Variants in CFAP221 observed in about 807,000 individuals in gnomAD.
CFAP221 encodes cilia and flagella associated protein 221.
CFAP221 carries 97 observed loss-of-function variants against 113.1 expected under a neutral mutation model. The ratio of observed to expected loss-of-function variants is 0.86; its 90% CI spans 0.73 to 1.02. The LOEUF (loss-of-function observed/expected upper bound fraction) is 1.02, where lower values mean the gene tolerates loss of function less well. Among genes scored for constraint, CFAP221 ranks in the 50% least tolerant of loss-of-function variants. The pLI is 0.00. For missense variants in CFAP221, 1,025 were observed against 1,013.4 expected (o/e 1.01, Z -0.16); for synonymous variants, 331 against 354.4 (o/e 0.93, Z 0.74).
chr2:119,611,818 T>C lies in CFAP221; in HGVS notation c.1311+76T>C, dbSNP rs1050901849. The C allele has an allele frequency of 1.3e-5, 14 of 1,059,296 alleles. No homozygotes were observed. The Admixed American group carries it at 2.6e-4, about 20-fold the overall frequency. The allele number at this position is 1,059,296 out of a possible 1,614,324, so 65.6% of individuals were successfully genotyped here. Reference sequence around the variant, plus strand: ...GCTTATTTTTTTGAATGCTAAACAATTTTATAGAAATCCTTTACCAAGAGA... The same window carrying C: ...GCTTATTTTTTTGAATGCTAAACAACTTTATAGAAATCCTTTACCAAGAGA... On this transcript the variant is annotated intron_variant, in intron 13 of 23. Coordinates refer to ENST00000413369, the MANE Select transcript of CFAP221 (RefSeq NM_001271049.2).
chr2:119,628,600 A>T lies in CFAP221; in HGVS notation c.1650+814A>T, dbSNP rs190237842. 1.2e-4 allele frequency among the ~76,000 whole-genome samples: 18 copies of T among 152,342 alleles called. 1 individual carries two copies. Among genetic ancestry groups the T allele is most frequent in the Admixed American group, 3.9e-4 (6 of 15,308 alleles). On this transcript the variant is annotated intron_variant, in intron 16 of 23. Transcript: ENST00000413369. ...CTCGAGTTCACATCGTTAGTAATAAAAAGTATACTCAAATCAATATTGCAA... is the reference window on the plus strand; with the variant it reads ...CTCGAGTTCACATCGTTAGTAATAATAAGTATACTCAAATCAATATTGCAA...
At chr2:119,553,027 G>A (rs1680537740) in intron 3 of CFAP221, among the ~76,000 whole-genome samples, 1 of 152,146 alleles carries the variant, frequency 6.6e-6, no homozygotes, top group African/African-American at 2.4e-5. Context: ...GAAGCATTAT[G>A]GGAAATGCTA....
In CFAP221 at chr2:119,631,407, C is replaced by T. The variant is rs564384085; in HGVS notation, c.1974+506C>T. Reference sequence around the variant, plus strand: ...CAATGAAATAGGCCGGGCACAGTGGCTCATGCCTGTAATCCCAACACTTTA... The same window carrying T: ...CAATGAAATAGGCCGGGCACAGTGGTTCATGCCTGTAATCCCAACACTTTA... On this transcript the variant is annotated intron_variant, in intron 19 of 23. Coordinates refer to ENST00000413369, the MANE Select transcript of CFAP221 (RefSeq NM_001271049.2). 3.1e-3 allele frequency among the ~76,000 whole-genome samples: 477 copies of T among 152,332 alleles called. 2 individuals carry two copies. Among genetic ancestry groups the T allele is most frequent in the Non-Finnish European group, 5.4e-3 (367 of 68,032 alleles).
rs1686246376 is a variant in CFAP221 at position 119,625,588 on chromosome 2, G to A, written c.1416G>A (p.Met472Ile). ...KRFQQVARKV[M>I]IQGRLFNMLS... Reference sequence around the variant, plus strand: ...ATTATCCACTCCAATTTCAGGTCATGATTCAGGGACGATTATTCAATATGC... The same window carrying A: ...ATTATCCACTCCAATTTCAGGTCATAATTCAGGGACGATTATTCAATATGC... Residue 472 changes from methionine (M) to isoleucine (I), a missense_variant, in exon 15 of 24, where the codon ATG becomes ATA. Coordinates refer to ENST00000413369, the MANE Select transcript of CFAP221 (RefSeq NM_001271049.2). 1 of 1,610,828 alleles carries A rather than the reference G, an allele frequency of 6.2e-7. No individual in the cohort carries two copies.
At chr2:119,565,092 C>T (rs963405288) in intron 6 of CFAP221, among the ~76,000 whole-genome samples, 1 of 152,168 alleles carries the variant, frequency 6.6e-6, no homozygotes, top group Non-Finnish European at 1.5e-5. Flanking sequence ...ACATTCTTAG[C>T]CCCGTGCTCT....
intron 5 of CFAP221, 31 bp from the exon 6 acceptor site, chr2:119,561,981 ATG>A (rs1681274087): frequency 7.2e-7 from 1 of 1,382,282 alleles, no homozygotes; most frequent in Non-Finnish European, 9.9e-7. Flanking sequence ...AGTCTTCAGA[ATG>A]TTAAACTTGA....
chr2:119,603,244 G>A (rs569428951), intron 8 of CFAP221, among the ~76,000 whole-genome samples: 2 of 152,162 alleles, frequency 1.3e-5, no homozygotes, highest in African/African-American at 4.8e-5. Context: ...CTTCATTTCC[G>A]TCATCGACGT....
At chr2:119,613,512 A>ACAG (rs1685319653) in intron 13 of CFAP221, among the ~76,000 whole-genome samples, 2 of 152,212 alleles carry the variant, frequency 1.3e-5, no homozygotes, top group Non-Finnish European at 2.9e-5. Flanking sequence ...CTGTGCACCT[A>ACAG]CAGGCTCAAC....
chr2:119,608,493 T>TC lies in CFAP221; in HGVS notation c.1134-8dup. 6.3e-7 allele frequency: 1 copy of TC among 1,587,550 alleles called. No individual in the cohort carries two copies. Among genetic ancestry groups the TC allele is most frequent in the Non-Finnish European group, 8.5e-7 (1 of 1,170,950 alleles). The stretch of plus-strand genomic sequence containing the variant: ...GGTTCTGGACACAGTTTTTTTTTTT[T>TC]CTCCCCAGGCAGGTGCACCTTGGTA... On this transcript the variant is annotated splice_polypyrimidine_tract_variant and intron_variant, in intron 11 of 23. Coordinates refer to ENST00000413369, the MANE Select transcript of CFAP221 (RefSeq NM_001271049.2).
chr2:119,625,193 A>G (rs1686211256), intron 14 of CFAP221, among the ~76,000 whole-genome samples: 1 of 152,204 alleles, frequency 6.6e-6, no homozygotes, highest in Admixed American at 6.5e-5. Flanking sequence ...CCACAGTGCT[A>G]TTGCTGCAGA....
intron 6 of CFAP221, among the ~76,000 whole-genome samples, chr2:119,583,564 A>T (rs1041592285): frequency 6.6e-6 from 1 of 152,224 alleles, no homozygotes. Context: ...ATCAAAATCC[A>T]AAAGTAGCAT....
At position 119,562,065 on chromosome 2, in the gene CFAP221, C is replaced by T; in HGVS notation, c.478C>T (p.Leu160=). The change falls in exon 6 of 24, where the codon CTA becomes TTA. Residue 160 remains leucine (L), a synonymous_variant. Transcript: ENST00000413369. ...PIHAYPVMNS[L]DFPSFINLSN... ...TCATGCCTATCCAGTCATGAACTCA[C>T]TAGACTTTCCTTCATTTATAAATCT... 6.5e-7 allele frequency: 1 copy of T among 1,535,298 alleles called. No homozygotes were observed. The highest frequency in any genetic ancestry group is 8.7e-7 in the Non-Finnish European group (1 of 1,146,600).
At chr2:119,620,797 C>T (rs1031304866) in intron 14 of CFAP221, among the ~76,000 whole-genome samples, 2 of 152,004 alleles carry the variant, frequency 1.3e-5, no homozygotes, top group East Asian at 1.9e-4. Flanking sequence ...TACAGACTGG[C>T]AAATTGGATA....
At chr2:119,553,116 C>T (rs1680542269) in intron 3 of CFAP221, among the ~76,000 whole-genome samples, 1 of 152,136 alleles carries the variant, frequency 6.6e-6, no homozygotes, top group Admixed American at 6.5e-5. Flanking sequence ...TGAGACCAGG[C>T]AAGCAAGGTG....
intron 11 of CFAP221, 123 bp from the exon 12 acceptor site, chr2:119,608,379 A>G (rs1212018823): frequency 1.4e-5 from 9 of 630,316 alleles, no homozygotes; most frequent in South Asian, 5.1e-5. Context: ...TCTCTATCCC[A>G]TGTGTCTCCT....
At position 119,640,796 on chromosome 2, in the gene CFAP221, C is replaced by A. The variant is rs368530330; in HGVS notation, c.2225+924C>A. ...CACACCCCAGCTCCCACTCGGGTAA[C>A]CTGGATCCTCTGACTCAGAAACTCA... On this transcript the variant is annotated intron_variant, in intron 21 of 23. Coordinates refer to ENST00000413369, the MANE Select transcript of CFAP221 (RefSeq NM_001271049.2). Among the ~76,000 whole-genome samples, 3 of 152,304 alleles carry A rather than the reference C, an allele frequency of 2.0e-5. No individual in the cohort carries two copies. In the East Asian group the frequency reaches 5.8e-4, roughly 29 times the overall value.
In CFAP221 at chr2:119,559,733, A is replaced by AC. The variant is rs1208359765; in HGVS notation, c.290dup (p.Gln98AlafsTer6). The AC allele has an allele frequency of 3.9e-6, 6 of 1,532,256 alleles. No individual in the cohort carries two copies. The highest frequency in any genetic ancestry group is 2.0e-5 in the Admixed American group (1 of 50,936). 94.9% of individuals were successfully genotyped at this position (1,532,256 alleles called of 1,614,324 possible). ...ATGAAGACACACGTGTTCATATTTT[A>AC]CCCCCGCAAACCAAATACTTTGAGA... On this transcript the variant is annotated frameshift_variant, in exon 4 of 24. Transcript: ENST00000413369. LOFTEE classifies it high-confidence loss of function.
At chr2:119,655,531 A>C (rs954913170) in intron 23 of CFAP221, among the ~76,000 whole-genome samples, 5 of 152,202 alleles carry the variant, frequency 3.3e-5, no homozygotes, top group African/African-American at 1.2e-4. Flanking sequence ...ATGTCTCAGA[A>C]GCACTTTATT....
intron 22 of CFAP221, among the ~76,000 whole-genome samples, chr2:119,647,629 C>T (rs948832641): frequency 1.3e-4 from 19 of 151,434 alleles, no homozygotes; most frequent in African/African-American, 3.4e-4. Context: ...CACACGTGTA[C>T]GTCCAGCTGG....
Sources: allele counts gnomAD v4.1 joint callset (sites outside exome capture counted in the v4.1 genomes callset), GRCh38; gene constraint gnomAD v4.1.1; transcripts MANE v1.5; gene names NCBI Gene and HGNC (gene_info 2026-07-23, HGNC 2026-07-21).